The following MAMDC2 variants were observed in gnomAD, a reference collection of about 807,000 sequenced individuals.
MAMDC2 encodes MAM domain containing 2, also known as MAM domain-containing protein 2.
In MAMDC2, 57 loss-of-function variants were observed where a neutral mutation model predicts 89.8. The observed-to-expected ratio is 0.63, with a 90% CI of 0.51 to 0.79. The LOEUF (loss-of-function observed/expected upper bound fraction) is 0.79. MAMDC2 is among the 30% of genes least tolerant of loss of function. MAMDC2 has a pLI of 0.00. For synonymous variants in MAMDC2, 313 were observed against 293.4 expected, an observed-to-expected ratio of 1.07 and a Z score of -0.68; for missense variants, 800 against 820.6, an observed-to-expected ratio of 0.97 and a Z score of 0.31.
At chr9:70,179,785 CA>C (rs5898122) in intron 11 of MAMDC2, among the ~76,000 whole-genome samples, 4 of 144,676 alleles carry the variant, frequency 2.8e-5, no homozygotes, top group African/African-American at 2.5e-5. Context: ...CTTTTTCTAG[CA>C]AAAAAAAAAT....
At chr9:70,054,677 G>A (rs929589749) in intron 2 of MAMDC2, among the ~76,000 whole-genome samples, 1 of 151,984 alleles carries the variant, frequency 6.6e-6, no homozygotes, top group Non-Finnish European at 1.5e-5. Context: ...TTGAAAAGAG[G>A]GGGGCTTCCT....
chr9:70,066,315 C>T (rs951466863), intron 2 of MAMDC2, among the ~76,000 whole-genome samples: 1 of 152,090 alleles, frequency 6.6e-6, no homozygotes, highest in African/African-American at 2.4e-5. Context: ...GCCAGTGTGC[C>T]TGGAACAGAG....
chr9:70,169,225 A>T (rs1010484627), intron 10 of MAMDC2, among the ~76,000 whole-genome samples: 4 of 152,244 alleles, frequency 2.6e-5, no homozygotes, highest in African/African-American at 9.6e-5. Context: ...ATTTTAATAA[A>T]CATTTTCTAA....
chr9:70,107,574 T>G (rs563296416), intron 2 of MAMDC2, among the ~76,000 whole-genome samples: 15 of 152,326 alleles, frequency 9.8e-5, no homozygotes, highest in Non-Finnish European at 1.9e-4. Context: ...CTATGAAATT[T>G]GGTCATGGAA....
chr9:70,060,175 T>C (rs1227734452), intron 2 of MAMDC2, among the ~76,000 whole-genome samples: 2 of 152,212 alleles, frequency 1.3e-5, no homozygotes, highest in Admixed American at 1.3e-4. Context: ...CTATCAACCC[T>C]GTTAAACTCG....
intron 2 of MAMDC2, among the ~76,000 whole-genome samples, chr9:70,046,259 G>T (rs1300535408): frequency 6.6e-6 from 1 of 152,180 alleles, no homozygotes; most frequent in Non-Finnish European, 1.5e-5. Flanking sequence ...CTGGTCTCGG[G>T]ACTACACTTT....
chr9:70,132,574 C>T (rs912691895), intron 7 of MAMDC2, among the ~76,000 whole-genome samples: 7 of 150,392 alleles, frequency 4.7e-5, no homozygotes, highest in Admixed American at 4.6e-4. Context: ...GGGTCTCGCT[C>T]TGTCACCCAG....
chr9:70,178,236 T>C (rs1305476369), intron 11 of MAMDC2, among the ~76,000 whole-genome samples: 1 of 152,180 alleles, frequency 6.6e-6, no homozygotes, highest in Non-Finnish European at 1.5e-5. Context: ...TCCTTACAGT[T>C]CTAGGGGCTG....
intron 11 of MAMDC2, among the ~76,000 whole-genome samples, chr9:70,207,462 T>A (rs1020034288): frequency 6.6e-6 from 1 of 152,210 alleles, no homozygotes; most frequent in Non-Finnish European, 1.5e-5. Flanking sequence ...CTTTGCCCAC[T>A]TTTTGATGGG....
At chr9:70,166,590 TC>T (rs1177518434) in intron 9 of MAMDC2, among the ~76,000 whole-genome samples, 2 of 152,174 alleles carry the variant, frequency 1.3e-5, no homozygotes, top group African/African-American at 2.4e-5. Flanking sequence ...ATGGCCAGTT[TC>T]CTAGATAATT....
intron 2 of MAMDC2, chr9:70,086,448 C>G: frequency 6.6e-6 from 1 of 152,122 alleles, no homozygotes; most frequent in East Asian, 1.9e-4. Context: ...GAAACAAAAG[C>G]CTTCAAGCAC....
At position 70,083,126 on chromosome 9, in the gene MAMDC2, T is replaced by C. The variant is rs536984559; in HGVS notation, c.149-25085T>C. On this transcript the variant is annotated intron_variant, in intron 2 of 13. Transcript: ENST00000377182. ...ATTTTATAAGTAAAATCAGAAGGCA[T>C]AATAGCCAACCTGGCCAACTTTTGA... Among the ~76,000 whole-genome samples the C allele has an allele frequency of 6.6e-5, 10 of 152,288 alleles. No individual in the cohort carries two copies. The South Asian group carries it at 2.1e-3, about 32-fold the overall frequency.
intron 2 of MAMDC2, among the ~76,000 whole-genome samples, chr9:70,072,004 T>A (rs1827421423): frequency 6.6e-6 from 1 of 152,216 alleles, no homozygotes; most frequent in Non-Finnish European, 1.5e-5. Context: ...AGAGCCCTCG[T>A]TTAGACTATT....
chr9:70,081,866 C>G (rs1311553384), intron 2 of MAMDC2: 1 of 152,044 alleles, frequency 6.6e-6, no homozygotes, highest in Non-Finnish European at 1.5e-5. Context: ...CTGGAGGCCC[C>G]CTGAGGCCAT....
chr9:70,222,294 G>C (rs79737491), intron 12 of MAMDC2, among the ~76,000 whole-genome samples: 2 of 152,140 alleles, frequency 1.3e-5, no homozygotes, highest in East Asian at 1.9e-4. Context: ...ATAGACTTCT[G>C]GGGGGACATG....
At chr9:70,050,044 G>A (rs571203839) in intron 2 of MAMDC2, among the ~76,000 whole-genome samples, 10 of 152,280 alleles carry the variant, frequency 6.6e-5, no homozygotes, top group South Asian at 4.1e-4. Flanking sequence ...CTGAAACTTT[G>A]TTGTGTTGGA....
At chr9:70,217,715 A>G in intron 11 of MAMDC2, 1 of 1,332,916 alleles carries the variant, frequency 7.5e-7, no homozygotes, top group East Asian at 2.3e-5. Flanking sequence ...TATTTAAAAA[A>G]ATTACAGAGT....
chr9:70,184,159 T>C (rs1019180587), intron 11 of MAMDC2, among the ~76,000 whole-genome samples: 2 of 152,232 alleles, frequency 1.3e-5, no homozygotes, highest in African/African-American at 2.4e-5. Flanking sequence ...TGGCTGGATA[T>C]GAAATTCTGG....
At chr9:70,146,206 C>A (rs984350196) in intron 9 of MAMDC2, among the ~76,000 whole-genome samples, 2 of 152,184 alleles carry the variant, frequency 1.3e-5, no homozygotes, top group Admixed American at 6.5e-5. Flanking sequence ...TAGGAATTTG[C>A]CCTTTTCTTC....
Sources: allele counts gnomAD v4.1 joint callset (sites outside exome capture counted in the v4.1 genomes callset), GRCh38; gene constraint gnomAD v4.1.1; transcripts MANE v1.5; gene names NCBI Gene and HGNC (gene_info 2026-07-23, HGNC 2026-07-21).